GHR: variants seen among roughly 807,000 people sequenced by gnomAD.
GHR encodes the protein growth hormone receptor.
A neutral mutation model predicts 67.1 loss-of-function variants in GHR; 35 were observed. The observed-to-expected ratio is 0.52, with a 90% CI of 0.40 to 0.69. The LOEUF is 0.69. Ranked by LOEUF, GHR falls within the 30% of genes least tolerant of loss-of-function variation. The pLI, the probability that GHR is intolerant of heterozygous loss-of-function variation, is 0.00. For missense variants in GHR, 792 were observed against 764.6 expected, an observed-to-expected ratio of 1.04 and a Z score of -0.42; for synonymous variants, 272 against 269.1, an observed-to-expected ratio of 1.01 and a Z score of -0.10.
At chr5:42,486,150 T>C (rs919650184) in intron 1 of GHR, among the ~76,000 whole-genome samples, 1 of 152,224 alleles carries the variant, frequency 6.6e-6, no homozygotes, top group South Asian at 2.1e-4. Flanking sequence ...GGACTACACT[T>C]TGAGAACCTC....
chr5:42,441,506 AAGG>A (rs1743569704), intron 1 of GHR, among the ~76,000 whole-genome samples: 1 of 147,132 alleles, frequency 6.8e-6, no homozygotes, highest in Non-Finnish European at 1.5e-5. Flanking sequence ...AATGGAGTTA[AAGG>A]AGGAGTTTTT....
intron 2 of GHR, among the ~76,000 whole-genome samples, chr5:42,579,427 A>G (rs1751040523): frequency 6.6e-6 from 1 of 152,202 alleles, no homozygotes; most frequent in African/African-American, 2.4e-5. Context: ...CAATTTGACC[A>G]ATTCCATGTT....
intron 1 of GHR, among the ~76,000 whole-genome samples, chr5:42,481,980 T>A (rs1298726642): frequency 6.6e-6 from 1 of 152,090 alleles, no homozygotes; most frequent in Non-Finnish European, 1.5e-5. Flanking sequence ...AGTTTCCAGT[T>A]TTTCTGCTGT....
At chr5:42,542,661 G>A (rs1317269172) in intron 1 of GHR, among the ~76,000 whole-genome samples, 6 of 152,012 alleles carry the variant, frequency 3.9e-5, no homozygotes, top group Non-Finnish European at 8.8e-5. Flanking sequence ...CATTTTTGGG[G>A]TACAAGTGAT....
intron 1 of GHR, chr5:42,465,710 G>A: frequency 1.1e-6 from 1 of 892,408 alleles, no homozygotes. Context: ...TGAAAAAAAA[G>A]ATCTATCACT....
intron 2 of GHR, among the ~76,000 whole-genome samples, chr5:42,620,899 C>A (rs1318898951): frequency 6.6e-6 from 1 of 152,152 alleles, no homozygotes; most frequent in African/African-American, 2.4e-5. Context: ...TTCTGTCATT[C>A]TCCCTTACAT....
At chr5:42,445,184 G>A (rs1183180188) in intron 1 of GHR, among the ~76,000 whole-genome samples, 1 of 152,172 alleles carries the variant, frequency 6.6e-6, no homozygotes, top group Non-Finnish European at 1.5e-5. Flanking sequence ...ACCCACAGTG[G>A]ACATTCAGTA....
At chr5:42,636,237 G>C (rs960831884) in intron 3 of GHR, among the ~76,000 whole-genome samples, 4 of 142,028 alleles carry the variant, frequency 2.8e-5, no homozygotes, top group Non-Finnish European at 6.1e-5. Flanking sequence ...AAAAAAATTA[G>C]AGCCTAAGAA....
At chr5:42,634,400 C>T (rs945643483) in intron 3 of GHR, among the ~76,000 whole-genome samples, 24 of 151,810 alleles carry the variant, frequency 1.6e-4, no homozygotes, top group African/African-American at 5.1e-4. Flanking sequence ...TTTTGCACCC[C>T]CCCTTAATAA....
At chr5:42,562,751 A>G (rs538522289) in intron 1 of GHR, among the ~76,000 whole-genome samples, 5 of 150,080 alleles carry the variant, frequency 3.3e-5, no homozygotes, top group Admixed American at 2.7e-4. Flanking sequence ...CCCTGGTTCA[A>G]GCGATTCTCC....
Position 42,432,898 on chromosome 5 carries a change from GGT to G in GHR, c.-12+8945_-12+8946del, listed in dbSNP as rs200557709. On this transcript the variant is annotated intron_variant, in intron 1 of 9. Transcript: ENST00000230882. ...ATAGGTGTTCAGTAAATATTTTGCA[GGT>G]GGCCTTAATATGTAGTAAAACATAC... 1.0e-3 allele frequency among the ~76,000 whole-genome samples: 156 copies of G among 152,300 alleles called. 2 individuals carry two copies. The East Asian group carries it at 0.025, about 24-fold the overall frequency.
intron 3 of GHR, among the ~76,000 whole-genome samples, chr5:42,646,823 C>T (rs187777565): frequency 1.3e-5 from 2 of 152,140 alleles, no homozygotes; most frequent in African/African-American, 4.8e-5. Context: ...TTACCTTGCC[C>T]ACCCTAGATT....
chr5:42,622,841 A>C (rs1374655529), intron 2 of GHR, among the ~76,000 whole-genome samples: 1 of 152,162 alleles, frequency 6.6e-6, no homozygotes, highest in African/African-American at 2.4e-5. Context: ...TGCCATAAGT[A>C]GATTTCCATC....
At chr5:42,456,306 T>C (rs2112023730) in intron 1 of GHR, among the ~76,000 whole-genome samples, 1 of 152,300 alleles carries the variant, frequency 6.6e-6, no homozygotes, top group African/African-American at 2.4e-5. Context: ...CGAGACTCCG[T>C]CTCAAAATAA....
intron 6 of GHR, among the ~76,000 whole-genome samples, chr5:42,702,021 A>G (rs539520612): frequency 2.0e-5 from 3 of 152,244 alleles, no homozygotes; most frequent in Admixed American, 2.0e-4. Context: ...TATCACACTA[A>G]GTAACATATG....
intron 2 of GHR, among the ~76,000 whole-genome samples, chr5:42,620,051 A>G (rs7734833): frequency 0.23 from 35,106 of 151,872 alleles, 4,727 homozygotes; most frequent in African/African-American, 0.37. Context: ...CAGTGAGTGG[A>G]AGAAATTAAT....
chr5:42,677,709 A>G (rs1019971208), intron 3 of GHR, among the ~76,000 whole-genome samples: 8 of 152,194 alleles, frequency 5.3e-5, no homozygotes, highest in African/African-American at 1.7e-4. Context: ...TTAAAACATT[A>G]TGAAATTTTT....
chr5:42,614,764 A>G (rs1753061736), intron 2 of GHR, among the ~76,000 whole-genome samples: 1 of 151,840 alleles, frequency 6.6e-6, no homozygotes, highest in Non-Finnish European at 1.5e-5. Flanking sequence ...ACTAATTTGC[A>G]TTTTGTTCCT....
intron 3 of GHR, among the ~76,000 whole-genome samples, chr5:42,675,608 A>G (rs1462421347): frequency 6.6e-6 from 1 of 152,248 alleles, no homozygotes; most frequent in Admixed American, 6.5e-5. Context: ...ACCAGGATAA[A>G]TTGTATTCAA....
Sources: gnomAD v4.1 joint callset for allele counts (sites outside exome capture counted in the v4.1 genomes callset) on GRCh38, gnomAD v4.1.1 for gene constraint, MANE v1.5 for transcripts, NCBI Gene and HGNC (gene_info 2026-07-23, HGNC 2026-07-21) for gene names.